Variants in LRP8 observed in about 807,000 individuals in gnomAD.
LRP8 encodes low-density lipoprotein receptor-related protein 8.
Under a neutral mutation model 111.6 loss-of-function variants are expected in LRP8, and 46 were observed. The ratio of observed to expected loss-of-function variants is 0.41; its 90% CI spans 0.33 to 0.53. The LOEUF (loss-of-function observed/expected upper bound fraction) is 0.53. Among genes scored for constraint, LRP8 ranks in the 20% least tolerant of loss-of-function variants. The pLI is 0.20. For missense variants in LRP8, 959 were observed against 1,297.4 expected (o/e 0.74, Z 4.01); for synonymous variants, 464 against 511.2 (o/e 0.91, Z 1.24).
chr1:53,274,835 AAG>A (rs1284031138), intron 6 of LRP8: 1 of 456,318 alleles, frequency 2.2e-6, no homozygotes, highest in Non-Finnish European at 4.4e-6. Context: ...TGGGCCGGAC[AAG>A]AGAGTGGACA....
chr1:53,277,797 C>T (rs1646976091), intron 4 of LRP8, among the ~76,000 whole-genome samples: 1 of 152,220 alleles, frequency 6.6e-6, no homozygotes, highest in African/African-American at 2.4e-5. Flanking sequence ...TTTCTGAGCC[C>T]CTCAGTCGCG....
In LRP8 at chr1:53,327,834, G is replaced by A. The variant is rs1231799386; in HGVS notation, c.79C>T (p.Gln27Ter). ...TCAGCCGCTGCCGCCGCAAGATGCT[G>A]GAGCTGCAGCAGCAGCAGCAGCAGC... The part of the protein sequence containing the change: ...LLLLLLLLQL[Q>*]HLAAAAADPL... The change falls in exon 1 of 19, where the codon CAG (glutamine) becomes TAG (stop). Residue 27 changes from glutamine to a stop codon, truncating the protein, a stop_gained. Transcript: ENST00000306052. LOFTEE classifies it high-confidence loss of function. 1 of 1,512,990 alleles carries A rather than the reference G, an allele frequency of 6.6e-7. No homozygotes were observed. The highest frequency in any genetic ancestry group is 1.2e-5 in the South Asian group (1 of 81,968). The allele number at this position is 1,512,990 out of a possible 1,614,324, so 93.7% of individuals were successfully genotyped here.
chr1:53,259,627 G>T (rs930403383), intron 13 of LRP8, among the ~76,000 whole-genome samples: 3 of 151,478 alleles, frequency 2.0e-5, no homozygotes, highest in African/African-American at 4.9e-5. Flanking sequence ...TGTCGCCCAG[G>T]CTGGAGTGCA....
Position 53,275,885 on chromosome 1 carries a change from A to G in LRP8, c.884-132T>C. On this transcript the variant is annotated intron_variant, in intron 5 of 18. Coordinates refer to ENST00000306052, the MANE Select transcript of LRP8 (RefSeq NM_004631.5). This position sits in a 1 kb window ranked among gnomAD's most constrained non-coding sequence, Gnocchi z 4.4. ...CAGTGGCTGAACTCAGGAGTCCTCA[A>G]AGGACACCTGGCCAAGGCACCTCAG... is the stretch of plus-strand genomic sequence containing the variant. 5.2e-6 allele frequency: 6 copies of G among 1,144,298 alleles called. No individual in the cohort carries two copies. The highest frequency in any genetic ancestry group is 6.1e-6 in the Non-Finnish European group (5 of 815,444). The allele number at this position is 1,144,298 out of a possible 1,614,324, so 70.9% of individuals were successfully genotyped here. A position where few individuals can be genotyped will look rare whatever the true frequency, so the allele number is the denominator to read the frequency against.
At chr1:53,283,052 TTGGTATCC>T (rs1278566752) in intron 3 of LRP8, among the ~76,000 whole-genome samples, 1 of 152,098 alleles carries the variant, frequency 6.6e-6, no homozygotes, top group Non-Finnish European at 1.5e-5. Context: ...GGTCTGAACG[TTGGTATCC>T]CCTGAAAATC....
intron 2 of LRP8, among the ~76,000 whole-genome samples, chr1:53,296,455 T>C (rs117949971): frequency 1.3e-5 from 2 of 152,306 alleles, no homozygotes; most frequent in East Asian, 3.9e-4. Context: ...CCTAAGGCAG[T>C]TGGGCCACTT....
In LRP8 at chr1:53,250,701, C is replaced by T. The variant is rs1377658435; in HGVS notation, c.2665G>A (p.Val889Ile). The T allele has an allele frequency of 2.5e-6, 4 of 1,613,878 alleles. No homozygotes were observed. Among genetic ancestry groups the T allele is most frequent in the African/African-American group, 2.7e-5 (2 of 74,922 alleles). ...HIGRTAQIGH[V>I]YPAAISSFDR... ...TGAGAAATACTTACTGCAGGATAGA[C>T]ATGGCCAATCTGAGCAGTTCTCCCT... Residue 889 changes from valine (V) to isoleucine (I), a missense_variant, in exon 17 of 19, where the codon GTC (valine) becomes ATC (isoleucine). Physicochemically the swap from Val to Ile is conservative, Grantham distance 29 (BLOSUM62 3). Coordinates refer to ENST00000306052, the MANE Select transcript of LRP8 (RefSeq NM_004631.5). The surrounding 1 kb of genome is among the most constrained non-coding windows in gnomAD (Gnocchi z 4.6).
intron 2 of LRP8, among the ~76,000 whole-genome samples, chr1:53,320,365 G>A (rs1056213826): frequency 2.6e-5 from 4 of 152,182 alleles, no homozygotes; most frequent in African/African-American, 9.7e-5. Context: ...AGCACATACA[G>A]TTCTGACTCC....
intron 3 of LRP8, among the ~76,000 whole-genome samples, chr1:53,281,350 C>T (rs1412497175): frequency 6.6e-6 from 1 of 152,248 alleles, no homozygotes; most frequent in Non-Finnish European, 1.5e-5. Flanking sequence ...CCTGAAGCCC[C>T]AGGGTTGAAT....
intron 2 of LRP8, among the ~76,000 whole-genome samples, chr1:53,324,414 G>A (rs1654886354): frequency 6.6e-6 from 1 of 152,168 alleles, no homozygotes; most frequent in African/African-American, 2.4e-5. Context: ...GGCCGTGGAG[G>A]TGGGAACACT....
At position 53,271,365 on chromosome 1, in the gene LRP8, T is replaced by C; in HGVS notation, c.1007-19A>G. The C allele has an allele frequency of 1.2e-6, 2 of 1,613,668 alleles. No homozygotes were observed. The highest frequency in any genetic ancestry group is 1.7e-6 in the Non-Finnish European group (2 of 1,179,886). On this transcript the variant is annotated intron_variant, in intron 6 of 18. Transcript: ENST00000306052. ...TTCAGCCCTGGGGAGGGACATGGGCTCCTGAAGGTCCAGGAGCCCAGGAGG... is the reference window on the plus strand; with the variant it reads ...TTCAGCCCTGGGGAGGGACATGGGCCCCTGAAGGTCCAGGAGCCCAGGAGG...
At chr1:53,322,765 G>A (rs1338901181) in intron 2 of LRP8, among the ~76,000 whole-genome samples, 5 of 152,168 alleles carry the variant, frequency 3.3e-5, no homozygotes, top group East Asian at 1.9e-4. Context: ...AGGAGCACAC[G>A]TCCAGGCCGC....
intron 2 of LRP8, among the ~76,000 whole-genome samples, chr1:53,316,336 A>G (rs1221091160): frequency 6.6e-6 from 1 of 152,052 alleles, no homozygotes; most frequent in African/African-American, 2.4e-5. Context: ...AGGGAGACAA[A>G]AGAGTGTTGC....
Position 53,266,675 on chromosome 1 carries a change from A to G in LRP8, c.1253-28T>C, listed in dbSNP as rs780991882. The G allele has an allele frequency of 4.3e-6, 7 of 1,610,462 alleles. No homozygotes were observed. The highest frequency in any genetic ancestry group is 3.3e-5 in the South Asian group (3 of 90,970). ...GTCATGCAGGGAGGTTGAAAGAGAA[A>G]GAGTCAGTGCAAGAGGCAGGGAGCC... On this transcript the variant is annotated intron_variant, in intron 8 of 18. Transcript: ENST00000306052. The surrounding 1 kb of genome is among the most constrained non-coding windows in gnomAD (Gnocchi z 5.0).
Position 53,250,920 on chromosome 1 carries a change from A to G in LRP8, c.2504-58T>C. On this transcript the variant is annotated intron_variant, in intron 16 of 18. Coordinates refer to ENST00000306052, the MANE Select transcript of LRP8 (RefSeq NM_004631.5). The surrounding 1 kb of genome is among the most constrained non-coding windows in gnomAD (Gnocchi z 4.6). ...GCAGGCTCCAACCCACTGCTCAGAC[A>G]TCTGTACAAGGCTTGTCACCACTCC... 1 of 1,489,114 alleles carries G rather than the reference A, an allele frequency of 6.7e-7. No individual in the cohort carries two copies. The allele number at this position is 1,489,114 out of a possible 1,614,324, so 92.2% of individuals were successfully genotyped here.
At chr1:53,290,293 C>A (rs1648459777) in intron 2 of LRP8, among the ~76,000 whole-genome samples, 2 of 126,710 alleles carry the variant, frequency 1.6e-5, no homozygotes, top group South Asian at 2.2e-4. Flanking sequence ...CTCAATCCCA[C>A]TTCCTCCTCC....
chr1:53,260,368 G>A, intron 13 of LRP8, 96 bp downstream of exon 13: 1 of 1,158,556 alleles, frequency 8.6e-7, no homozygotes, highest in Non-Finnish European at 1.3e-6. Flanking sequence ...GGGTTGCTGA[G>A]TTGTGACCTG....
In LRP8 at chr1:53,244,899, T is replaced by C. The variant is rs1183395103; in HGVS notation, c.*2119A>G. 6.6e-6 allele frequency: 1 copy of C among 152,208 alleles called. No individual in the cohort carries two copies. The highest frequency in any genetic ancestry group is 2.1e-4 in the South Asian group (1 of 4,834). 9.4% of individuals were successfully genotyped at this position (152,208 alleles called of 1,614,324 possible). On this transcript the variant is annotated 3_prime_UTR_variant, in exon 19 of 19. Transcript: ENST00000306052. ...TCTTAAAAGAATAGTAATATGTGAG[T>C]AAGCTCCATAGGAGTTGGCCACCTG...
intron 15 of LRP8, 76 bp downstream of exon 15, chr1:53,257,164 C>G (rs2100359829): frequency 7.3e-7 from 1 of 1,364,902 alleles, no homozygotes; most frequent in Middle Eastern, 2.5e-4. Context: ...TAGGTTCTGT[C>G]TTATCACATA....
Sources: gnomAD v4.1 joint callset for allele counts (sites outside exome capture counted in the v4.1 genomes callset) on GRCh38, gnomAD v4.1.1 for gene constraint, Gnocchi (gnomAD v3.1) non-coding constraint, MANE v1.5 for transcripts, NCBI Gene and HGNC (gene_info 2026-07-23, HGNC 2026-07-21) for gene names.